The following LSAMP variants were observed in gnomAD, a reference collection of about 807,000 sequenced individuals.
The protein encoded by LSAMP is limbic system associated membrane protein.
A neutral mutation model predicts 38.6 loss-of-function variants in LSAMP; 7 were observed. The observed-to-expected ratio is 0.18, with a 90% confidence interval of 0.10 to 0.34. LSAMP has a LOEUF of 0.34. LSAMP is among the 10% of genes least tolerant of loss of function. The probability of loss-of-function intolerance (pLI) is 1.00; values close to 1 mark genes in which losing one functional copy is unlikely to be tolerated. For missense variants in LSAMP, 313 were observed against 420.0 expected, an observed-to-expected ratio of 0.75 and a Z score of 2.23; for synonymous variants, 154 against 166.8, an observed-to-expected ratio of 0.92 and a Z score of 0.59.
rs192410846 is a variant in LSAMP at position 115,963,071 on chromosome 3, T to C, written c.514+56444A>G. Among the ~76,000 whole-genome samples the C allele has an allele frequency of 2.0e-3, 311 of 152,328 alleles. 2 individuals carry two copies. Among genetic ancestry groups the C allele is most frequent in the African/African-American group, 6.3e-3 (264 of 41,578 alleles). On this transcript the variant is annotated intron_variant, in intron 3 of 6. Transcript: ENST00000490035. ...ATTTATATATTTAAATGGTTTTTTTTCCTCAATTTTCTTCTTCTGATTTTC... is the reference window on the plus strand; with the variant it reads ...ATTTATATATTTAAATGGTTTTTTTCCCTCAATTTTCTTCTTCTGATTTTC...
At chr3:116,150,661 G>T (rs1709590158) in intron 1 of LSAMP, among the ~76,000 whole-genome samples, 1 of 151,946 alleles carries the variant, frequency 6.6e-6, no homozygotes, top group Non-Finnish European at 1.5e-5. Flanking sequence ...GCAGTGATAG[G>T]AGTCAGGGTT....
At chr3:115,952,421 C>T (rs948793811) in intron 3 of LSAMP, among the ~76,000 whole-genome samples, 2 of 152,076 alleles carry the variant, frequency 1.3e-5, no homozygotes, top group African/African-American at 4.8e-5. Flanking sequence ...TTTGTGGCAA[C>T]CTGGATGGAG....
rs897123351 is a variant in LSAMP, at chr3:116,380,348, G to A, written c.155+64529C>T. ...TTCTCACATTAGCTGGCATATAATTGATTTATTGCTCATTAAAAGGTAGTA... is the reference window on the plus strand; with the variant it reads ...TTCTCACATTAGCTGGCATATAATTAATTTATTGCTCATTAAAAGGTAGTA... On this transcript the variant is annotated intron_variant, in intron 1 of 6. Coordinates refer to ENST00000490035, the MANE Select transcript of LSAMP (RefSeq NM_002338.5). 4.6e-5 allele frequency among the ~76,000 whole-genome samples: 7 copies of A among 152,102 alleles called. 1 individual carries two copies. The South Asian group carries it at 1.5e-3, about 32-fold the overall frequency.
chr3:116,138,918 A>G (rs989542972), intron 1 of LSAMP, among the ~76,000 whole-genome samples: 1 of 151,684 alleles, frequency 6.6e-6, no homozygotes, highest in East Asian at 1.9e-4. Flanking sequence ...AGTCATTTTC[A>G]GTAAGAATCC....
intron 3 of LSAMP, among the ~76,000 whole-genome samples, chr3:115,951,113 A>G (rs1456882085): frequency 6.6e-6 from 1 of 152,222 alleles, no homozygotes; most frequent in African/African-American, 2.4e-5. Context: ...TACCTTATAC[A>G]AAAATCAACT....
At chr3:116,382,195 C>T (rs2048568607) in intron 1 of LSAMP, among the ~76,000 whole-genome samples, 1 of 152,040 alleles carries the variant, frequency 6.6e-6, no homozygotes, top group South Asian at 2.1e-4. Flanking sequence ...GCTATAAAGA[C>T]ACATGCACAC....
chr3:116,042,753 T>C (rs565192098), intron 2 of LSAMP, among the ~76,000 whole-genome samples: 1 of 152,256 alleles, frequency 6.6e-6, no homozygotes, highest in African/African-American at 2.4e-5. Flanking sequence ...AATCAAGTAA[T>C]CTGTCTGCAT....
intron 3 of LSAMP, among the ~76,000 whole-genome samples, chr3:115,932,320 A>T (rs1937592718): frequency 1.3e-5 from 2 of 152,204 alleles, no homozygotes; most frequent in Non-Finnish European, 2.9e-5. Context: ...TGTGCTTTTA[A>T]CTTTTACATT....
chr3:116,386,795 A>G (rs893884947), intron 1 of LSAMP, among the ~76,000 whole-genome samples: 1 of 152,164 alleles, frequency 6.6e-6, no homozygotes, highest in Non-Finnish European at 1.5e-5. Flanking sequence ...TCATTTAGGT[A>G]AGATGCCATT....
chr3:116,210,444 A>G, intron 1 of LSAMP, among the ~76,000 whole-genome samples: 1 of 152,120 alleles, frequency 6.6e-6, no homozygotes, highest in East Asian at 1.9e-4. Context: ...GATGCTTCCT[A>G]CCTTGAACAT....
chr3:116,434,849 G>T (rs973417421), intron 1 of LSAMP, among the ~76,000 whole-genome samples: 2 of 152,044 alleles, frequency 1.3e-5, no homozygotes, highest in Non-Finnish European at 2.9e-5. Context: ...GCGCTCGGCC[G>T]GGGCTTTGAC....
In LSAMP at chr3:116,384,623, C is replaced by T. The variant is rs2048602325; in HGVS notation, c.155+60254G>A. 3.3e-5 allele frequency among the ~76,000 whole-genome samples: 5 copies of T among 152,150 alleles called. No homozygotes were observed. In the South Asian group the frequency reaches 1.0e-3, roughly 32 times the overall value. Reference sequence around the variant, plus strand: ...AAGTTAACAAATCAGCTGGATTACTCCCAATATTGATGACAGATGGTGCAT... The same window carrying T: ...AAGTTAACAAATCAGCTGGATTACTTCCAATATTGATGACAGATGGTGCAT... On this transcript the variant is annotated intron_variant, in intron 1 of 6. Coordinates refer to ENST00000490035, the MANE Select transcript of LSAMP (RefSeq NM_002338.5).
chr3:116,116,846 A>G (rs1316456092), intron 1 of LSAMP, among the ~76,000 whole-genome samples: 2 of 152,212 alleles, frequency 1.3e-5, no homozygotes, highest in Non-Finnish European at 2.9e-5. Flanking sequence ...GAGGCCATGC[A>G]TAGGTTCTCT....
intron 1 of LSAMP, among the ~76,000 whole-genome samples, chr3:116,376,329 A>G (rs1468097915): frequency 6.6e-6 from 1 of 152,090 alleles, no homozygotes; most frequent in African/African-American, 2.4e-5. Flanking sequence ...TGGATAAAAA[A>G]TGTGATGGAA....
At position 116,095,946 on chromosome 3, in the gene LSAMP, A is replaced by T. The variant is rs139266411; in HGVS notation, c.156-9390T>A. 7.1e-3 allele frequency among the ~76,000 whole-genome samples: 1,078 copies of T among 152,308 alleles called. 7 individuals carry two copies. The highest frequency in any genetic ancestry group is 0.012 in the Non-Finnish European group (803 of 68,022). ...TGGGGTGGCGATAGGTTTAGGCTAC[A>T]AAGCCAATTTTCTGCTCTAAATTCT... On this transcript the variant is annotated intron_variant, in intron 1 of 6. Coordinates refer to ENST00000490035, the MANE Select transcript of LSAMP (RefSeq NM_002338.5).
intron 1 of LSAMP, among the ~76,000 whole-genome samples, chr3:116,391,304 G>A (rs1576186084): frequency 7.0e-6 from 1 of 142,390 alleles, no homozygotes; most frequent in African/African-American, 2.5e-5. Flanking sequence ...CGCCCCCCCC[G>A]TGCCCCATGT....
intron 1 of LSAMP, among the ~76,000 whole-genome samples, chr3:116,411,217 G>C (rs2048971503): frequency 6.6e-6 from 1 of 152,070 alleles, no homozygotes; most frequent in African/African-American, 2.4e-5. Flanking sequence ...AGTCAGTATG[G>C]CGATGCCTCA....
intron 3 of LSAMP, among the ~76,000 whole-genome samples, chr3:115,969,715 C>G (rs948218930): frequency 6.6e-6 from 1 of 152,164 alleles, no homozygotes; most frequent in Admixed American, 6.5e-5. Context: ...TAATCCTCAA[C>G]AACTAGTGAG....
rs542954891 is a variant in LSAMP, at chr3:116,106,955, G to C, written c.156-20399C>G. Among the ~76,000 whole-genome samples, 346 of 152,312 alleles carry C rather than the reference G, an allele frequency of 2.3e-3. 1 individual carries two copies. Among genetic ancestry groups the C allele is most frequent in the African/African-American group, 7.8e-3 (325 of 41,582 alleles). On this transcript the variant is annotated intron_variant, in intron 1 of 6. Transcript: ENST00000490035. ...CTGAGAAGTTATTTCCTTGAGGATA[G>C]ATTTCCACAATGGAAAGGAAATGAG... is the stretch of plus-strand genomic sequence containing the variant.
Sources: allele counts gnomAD v4.1 joint callset (sites outside exome capture counted in the v4.1 genomes callset), GRCh38; gene constraint gnomAD v4.1.1; transcripts MANE v1.5; gene names NCBI Gene and HGNC (gene_info 2026-07-23, HGNC 2026-07-21).